The following CNIH3 variants were observed in gnomAD, a reference collection of about 807,000 sequenced individuals.
CNIH3 encodes the protein cornichon family AMPA receptor auxiliary protein 3.
Under a neutral mutation model 24.1 loss-of-function variants are expected in CNIH3, and 14 were observed. The ratio of observed to expected loss-of-function variants is 0.58; its 90% confidence interval spans 0.38 to 0.91. The LOEUF (loss-of-function observed/expected upper bound fraction) is 0.91. CNIH3 is among the 40% of genes least tolerant of loss of function. CNIH3 has a pLI of 0.00. For synonymous variants in CNIH3, 68 were observed against 73.8 expected (o/e 0.92, Z 0.40); for missense variants, 178 against 196.8 (o/e 0.90, Z 0.57).
intron 3 of CNIH3, among the ~76,000 whole-genome samples, chr1:224,608,487 G>C (rs922217009): frequency 1.3e-5 from 2 of 152,164 alleles, no homozygotes; most frequent in Non-Finnish European, 2.9e-5. Context: ...GAGCAAGCAG[G>C]GGGTGCGTGA....
intron 1 of CNIH3, among the ~76,000 whole-genome samples, chr1:224,507,676 A>G (rs1464863234): frequency 6.6e-6 from 1 of 152,202 alleles, no homozygotes; most frequent in African/African-American, 2.4e-5. Context: ...TCTGCAAGCA[A>G]GGGGTACCTG....
chr1:224,682,645 T>G (rs1686455773), intron 2 of CNIH3, among the ~76,000 whole-genome samples: 1 of 152,218 alleles, frequency 6.6e-6, no homozygotes, highest in Non-Finnish European at 1.5e-5. Context: ...CCTGAAAGAT[T>G]TCACTCTGGG....
At chr1:224,491,619 T>A (rs544441060) in intron 1 of CNIH3, among the ~76,000 whole-genome samples, 6 of 152,232 alleles carry the variant, frequency 3.9e-5, no homozygotes, top group East Asian at 3.9e-4. Context: ...TTATTTATTT[T>A]TTTTGAGACA....
intron 3 of CNIH3, among the ~76,000 whole-genome samples, chr1:224,729,239 C>G (rs892762640): frequency 2.0e-5 from 3 of 151,776 alleles, no homozygotes; most frequent in Non-Finnish European, 4.4e-5. Flanking sequence ...GGTGAAACCC[C>G]CTTTCTACTG....
At chr1:224,440,572 T>C (rs977232202) in intron 1 of CNIH3, among the ~76,000 whole-genome samples, 5 of 152,162 alleles carry the variant, frequency 3.3e-5, no homozygotes, top group African/African-American at 1.2e-4. Flanking sequence ...TGTACTGATA[T>C]GGATATAGTA....
intron 4 of CNIH3, chr1:224,566,396 A>G (rs1217084768): frequency 1.3e-5 from 2 of 151,406 alleles, no homozygotes; most frequent in Non-Finnish European, 2.9e-5. Flanking sequence ...TTATACTTTA[A>G]GTTCTGGGGT....
downstream of CNIH3, among the ~76,000 whole-genome samples, chr1:224,589,081 C>T (rs931930457): frequency 2.2e-4 from 32 of 148,352 alleles, no homozygotes; most frequent in African/African-American, 6.7e-4. Context: ...AGTGGCTAAG[C>T]GAGCACCGTT....
At chr1:224,481,921 T>C (rs1676829900) in intron 1 of CNIH3, among the ~76,000 whole-genome samples, 1 of 152,218 alleles carries the variant, frequency 6.6e-6, no homozygotes, top group Non-Finnish European at 1.5e-5. Context: ...GGTGCTCTAT[T>C]CTACTGTGGC....
intron 1 of CNIH3, among the ~76,000 whole-genome samples, chr1:224,444,868 C>T (rs770432065): frequency 6.6e-6 from 1 of 151,900 alleles, no homozygotes; most frequent in Non-Finnish European, 1.5e-5. Context: ...TGGTCTCAAA[C>T]TCCTGACCTC....
intron 3 of CNIH3, among the ~76,000 whole-genome samples, chr1:224,596,002 T>G (rs1459253267): frequency 1.3e-5 from 2 of 152,228 alleles, no homozygotes; most frequent in Non-Finnish European, 2.9e-5. Flanking sequence ...AAGCCACAAG[T>G]GCTGATGGAG....
intron 1 of CNIH3, among the ~76,000 whole-genome samples, chr1:224,508,821 G>A (rs1027451016): frequency 3.9e-5 from 6 of 152,144 alleles, no homozygotes; most frequent in Non-Finnish European, 8.8e-5. Flanking sequence ...TAGCCAATGA[G>A]ACTTTGTTTA....
At chr1:224,460,425 TG>T (rs1229182026) in intron 1 of CNIH3, among the ~76,000 whole-genome samples, 8 of 152,370 alleles carry the variant, frequency 5.3e-5, no homozygotes, top group Middle Eastern at 3.4e-3. Context: ...AACTGCTTTC[TG>T]TCCCTGCAGA....
intron 3 of CNIH3, among the ~76,000 whole-genome samples, chr1:224,607,314 C>A (rs1258665104): frequency 1.3e-5 from 2 of 152,168 alleles, no homozygotes; most frequent in Admixed American, 1.3e-4. Flanking sequence ...ATAACCACTG[C>A]AACATCTGTG....
intron 3 of CNIH3, among the ~76,000 whole-genome samples, chr1:224,610,186 G>T (rs1682616392): frequency 6.6e-6 from 1 of 152,208 alleles, no homozygotes; most frequent in African/African-American, 2.4e-5. Flanking sequence ...GTTATAATGT[G>T]TGATAGGTTC....
At chr1:224,681,918 A>G (rs557812104) in intron 2 of CNIH3, among the ~76,000 whole-genome samples, 2 of 152,290 alleles carry the variant, frequency 1.3e-5, no homozygotes, top group South Asian at 2.1e-4. Context: ...CTTCCAGGCC[A>G]TGGTTTCCAG....
In CNIH3 at chr1:224,451,129, G is replaced by A. The variant is rs547602591; in HGVS notation, n.203+16267G>A. 2.0e-5 allele frequency among the ~76,000 whole-genome samples: 3 copies of A among 152,316 alleles called. No homozygotes were observed. In the South Asian group the frequency reaches 6.2e-4, roughly 32 times the overall value. On this transcript the variant is annotated intron_variant and non_coding_transcript_variant, in intron 1 of 5. Coordinates refer to the CNIH3 transcript ENST00000471578. ...TGCACAGTCATGGGGTATGGCCGAG[G>A]GTTATGTAACAAGAGCTGTTCCTAG...
At chr1:224,673,270 A>G (rs922004555) in intron 1 of CNIH3, among the ~76,000 whole-genome samples, 2 of 152,164 alleles carry the variant, frequency 1.3e-5, no homozygotes, top group African/African-American at 4.8e-5. Flanking sequence ...CGCATCACCA[A>G]TGGAATAGAT....
chr1:224,482,715 G>A (rs1368418868), intron 1 of CNIH3, among the ~76,000 whole-genome samples: 2 of 152,042 alleles, frequency 1.3e-5, no homozygotes. Context: ...TTGGGGGAGA[G>A]GTGATGCAAG....
chr1:224,454,916 A>G (rs1310797009), intron 1 of CNIH3, among the ~76,000 whole-genome samples: 1 of 152,190 alleles, frequency 6.6e-6, no homozygotes, highest in East Asian at 1.9e-4. Flanking sequence ...TTAAAGCATG[A>G]ATAACCTGGA....
Sources: gnomAD v4.1 joint callset for allele counts (sites outside exome capture counted in the v4.1 genomes callset) on GRCh38, gnomAD v4.1.1 for gene constraint, MANE v1.5 for transcripts, NCBI Gene and HGNC (gene_info 2026-07-23, HGNC 2026-07-21) for gene names.